BEND3: variants seen among roughly 807,000 people sequenced by gnomAD.
The protein encoded by BEND3 is BEN domain containing 3.
BEND3 carries 13 observed loss-of-function variants against 60.1 expected under a neutral mutation model. The ratio of observed to expected loss-of-function variants is 0.22; its 90% CI spans 0.14 to 0.34. BEND3 has a LOEUF of 0.34. Ranked by LOEUF, BEND3 falls within the 10% of genes least tolerant of loss-of-function variation. The probability of loss-of-function intolerance (pLI) is 1.00; values close to 1 mark genes in which losing one functional copy is unlikely to be tolerated. For synonymous variants in BEND3, 497 were observed against 491.5 expected, an observed-to-expected ratio of 1.01 and a Z score of -0.15; for missense variants, 896 against 1,138.1, an observed-to-expected ratio of 0.79 and a Z score of 3.06.
chr6:107,086,417 C>T (rs1047630733), intron 3 of BEND3, among the ~76,000 whole-genome samples: 6 of 151,544 alleles, frequency 4.0e-5, no homozygotes, highest in African/African-American at 1.5e-4. Context: ...GAGATCGAGA[C>T]CATCCTGGCC....
chr6:107,099,209 C>A, intron 2 of BEND3, 40 bp downstream of exon 2: 1 of 1,490,948 alleles, frequency 6.7e-7, no homozygotes, highest in South Asian at 1.1e-5. Context: ...CAAAAGTATT[C>A]AGTTAAAAAC....
chr6:107,074,219 T>A (rs1266174829), intron 3 of BEND3, among the ~76,000 whole-genome samples: 2 of 151,956 alleles, frequency 1.3e-5, no homozygotes, highest in Non-Finnish European at 2.9e-5. Context: ...AGTTCGAAAC[T>A]AGCCTGGCCA....
In BEND3 at chr6:107,103,553, G is replaced by C. The variant is rs370218624; in HGVS notation, c.-11-4257C>G. The stretch of plus-strand genomic sequence containing the variant: ...CTCCCACCATAAACCTCAAATTATG[G>C]GACAGTCAACACATCCACACGTTCC... On this transcript the variant is annotated intron_variant, in intron 1 of 3. Coordinates refer to ENST00000369042, the MANE Select transcript of BEND3 (RefSeq NM_001367314.1). 2.0e-5 allele frequency among the ~76,000 whole-genome samples: 3 copies of C among 152,118 alleles called. No individual in the cohort carries two copies. In the South Asian group the frequency reaches 6.2e-4, roughly 32 times the overall value.
chr6:107,082,055 C>T (rs1407875689), intron 3 of BEND3, among the ~76,000 whole-genome samples: 2 of 152,200 alleles, frequency 1.3e-5, no homozygotes, highest in African/African-American at 2.4e-5. Context: ...GTGTGAATGC[C>T]TCTTTGCAAG....
rs375188156 is a variant in BEND3, at chr6:107,094,750, G to A, written c.240+3801C>T. 3.1e-4 allele frequency among the ~76,000 whole-genome samples: 47 copies of A among 151,718 alleles called. No homozygotes were observed. The East Asian group carries it at 7.9e-3, about 26-fold the overall frequency. Reference sequence around the variant, plus strand: ...CATGCCTGTAGTCCCAGCTACTTGGGAGTCTGAAAGAGGAGGATCCCTTGA... The same window carrying A: ...CATGCCTGTAGTCCCAGCTACTTGGAAGTCTGAAAGAGGAGGATCCCTTGA... On this transcript the variant is annotated intron_variant, in intron 3 of 3. Transcript: ENST00000369042.
At chr6:107,095,346 A>T (rs757910260) in intron 3 of BEND3, among the ~76,000 whole-genome samples, 18 of 152,132 alleles carry the variant, frequency 1.2e-4, no homozygotes, top group South Asian at 4.1e-4. Flanking sequence ...AATTTTTTTT[A>T]AACTAAACAA....
At chr6:107,089,001 C>T (rs1255783878) in intron 3 of BEND3, among the ~76,000 whole-genome samples, 2 of 152,036 alleles carry the variant, frequency 1.3e-5, no homozygotes, top group South Asian at 2.1e-4. Flanking sequence ...CAAAACTTAG[C>T]TGGGCGTGAT....
At chr6:107,078,518 A>AAT (rs1775145833) in intron 3 of BEND3, among the ~76,000 whole-genome samples, 1 of 72,908 alleles carries the variant, frequency 1.4e-5, no homozygotes, top group Non-Finnish European at 2.9e-5. Flanking sequence ...GCAGTGGTGC[A>AAT]ATCTCGGCTC....
Position 107,098,591 on chromosome 6 carries a change from TCTA to T in BEND3, c.197_199del (p.Leu66_Asp67delinsHis). ...CCTCCTCTTCACGCCGGGGACAGAG[TCTA>T]GCAGGCCATCGCTGACCAGCTGCTT... On this transcript the variant is annotated inframe_deletion, in exon 3 of 4. Transcript: ENST00000369042. The T allele has an allele frequency of 6.2e-7, 1 of 1,613,526 alleles. No individual in the cohort carries two copies. The highest frequency in any genetic ancestry group is 8.5e-7 in the Non-Finnish European group (1 of 1,180,000).
At chr6:107,098,127 T>G (rs896040545) in intron 3 of BEND3, among the ~76,000 whole-genome samples, 1 of 152,180 alleles carries the variant, frequency 6.6e-6, no homozygotes, top group Non-Finnish European at 1.5e-5. Flanking sequence ...CTGGGCAACA[T>G]AGTGAGATCC....
Position 107,069,191 on chromosome 6 carries a change from C to T in BEND3, c.2000G>A (p.Cys667Tyr), listed in dbSNP as rs369590830. The T allele has an allele frequency of 8.1e-6, 13 of 1,612,436 alleles. No individual in the cohort carries two copies. In the South Asian group the frequency reaches 1.3e-4, roughly 16 times the overall value. The change falls in exon 4 of 4, where the codon TGC (cysteine) becomes TAC (tyrosine). Residue 667 changes from cysteine (C) to tyrosine (Y), a missense_variant. By Grantham distance (194) the Cys-to-Tyr change is radical (BLOSUM62 -2). Transcript: ENST00000369042. ...GATTGCATAGCTGGTCAAGTCTCTG[C>T]ACTCAGGGCCCGGCACGTGGACCTT... ...QRKVHVPGPE[C>Y]RDLTSYAINP...
In BEND3 at chr6:107,069,140, A is replaced by G. The variant is rs1554231343; in HGVS notation, c.2051T>C (p.Phe684Ser). The G allele has an allele frequency of 9.9e-6, 16 of 1,612,624 alleles. No homozygotes were observed. Among genetic ancestry groups the G allele is most frequent in the Non-Finnish European group, 1.3e-5 (15 of 1,179,980 alleles). ...CTCGGGGGGCAGTGGGGGCCCCTCA[A>G]ACTCCTCCCGGAACCTCTCGGGGTT... ...AINPERFREE[F>S]EGPPLPPERS... The change falls in exon 4 of 4, where the codon TTT becomes TCT. Residue 684 changes from phenylalanine to serine, a missense_variant. Physicochemically the swap from Phe to Ser is radical, Grantham distance 155. Transcript: ENST00000369042.
chr6:107,114,702 G>C (rs1365847966), intron 1 of BEND3, among the ~76,000 whole-genome samples: 6 of 147,042 alleles, frequency 4.1e-5, no homozygotes, highest in African/African-American at 1.5e-4. Flanking sequence ...GGCGCCCGGC[G>C]GGGGTGCGGG....
intron 1 of BEND3, among the ~76,000 whole-genome samples, chr6:107,100,011 A>G (rs1283357180): frequency 6.6e-6 from 1 of 151,938 alleles, no homozygotes; most frequent in African/African-American, 2.4e-5. Flanking sequence ...CTAGGACTAC[A>G]GGTACCACAT....
At chr6:107,099,820 T>C (rs1331352083) in intron 1 of BEND3, among the ~76,000 whole-genome samples, 2 of 151,656 alleles carry the variant, frequency 1.3e-5, no homozygotes, top group Admixed American at 1.3e-4. Context: ...AAGTGTAAAA[T>C]ACACACCAAA....
chr6:107,089,137 C>CA (rs35806140), intron 3 of BEND3, among the ~76,000 whole-genome samples: 72 of 139,502 alleles, frequency 5.2e-4, no homozygotes, highest in Middle Eastern at 3.9e-3. Context: ...GACTCCGTCT[C>CA]AAAAAAAAAA....
intron 2 of BEND3, 105 bp downstream of exon 2, chr6:107,099,144 A>G (rs1323131839): frequency 5.2e-5 from 47 of 899,692 alleles, no homozygotes; most frequent in South Asian, 1.5e-5. Flanking sequence ...GGTGGAGGGG[A>G]CTTTTCACTA....
intron 3 of BEND3, among the ~76,000 whole-genome samples, chr6:107,080,371 A>AAAAAAAC (rs1554233373): frequency 0.028 from 3,301 of 117,494 alleles, 16 homozygotes; most frequent in Non-Finnish European, 0.032. Context: ...AAAAAAAAAA[A>AAAAAAAC]AAAAAACAAA....
Position 107,065,712 on chromosome 6 carries a change from T to G in BEND3, c.*2992A>C, listed in dbSNP as rs1554230683. Reference sequence around the variant, plus strand: ...TGTGGTGTGGTCAGACCAGCAACTTTTACCAATTAAATAGCCAATCTATTC... The same window carrying G: ...TGTGGTGTGGTCAGACCAGCAACTTGTACCAATTAAATAGCCAATCTATTC... On this transcript the variant is annotated 3_prime_UTR_variant, in exon 4 of 4. Transcript: ENST00000369042. The G allele has an allele frequency of 6.6e-6, 1 of 152,200 alleles. No individual in the cohort carries two copies. The highest frequency in any genetic ancestry group is 2.4e-5 in the African/African-American group (1 of 41,460). The allele number at this position is 152,200 out of a possible 1,614,324, so 9.4% of individuals were successfully genotyped here.
Sources: allele counts gnomAD v4.1 joint callset (sites outside exome capture counted in the v4.1 genomes callset), GRCh38; gene constraint gnomAD v4.1.1; transcripts MANE v1.5; gene names NCBI Gene and HGNC (gene_info 2026-07-23, HGNC 2026-07-21).